The following P4HA1 variants were observed in gnomAD, a reference collection of about 807,000 sequenced individuals.
P4HA1 encodes the protein prolyl 4-hydroxylase subunit alpha 1, also known as prolyl 4-hydroxylase subunit alpha-1.
A neutral mutation model predicts 72.8 loss-of-function variants in P4HA1; 24 were observed. The observed-to-expected ratio is 0.33, with a 90% CI of 0.24 to 0.46. The LOEUF is 0.46. P4HA1 is among the 20% of genes least tolerant of loss of function. The probability of loss-of-function intolerance (pLI) is 1.00; values close to 1 mark genes in which losing one functional copy is unlikely to be tolerated. For missense variants in P4HA1, 446 were observed against 640.6 expected, an observed-to-expected ratio of 0.70 and a Z score of 3.28; for synonymous variants, 201 against 218.8, an observed-to-expected ratio of 0.92 and a Z score of 0.72.
chr10:73,011,052 A>T lies in P4HA1; in HGVS notation c.1369-15T>A. The T allele has an allele frequency of 1.2e-6, 2 of 1,604,114 alleles. No individual in the cohort carries two copies. The highest frequency in any genetic ancestry group is 1.7e-6 in the Non-Finnish European group (2 of 1,172,358). On this transcript the variant is annotated splice_polypyrimidine_tract_variant and intron_variant, in intron 12 of 14. Transcript: ENST00000394890. The stretch of plus-strand genomic sequence containing the variant: ...ACATCACTCATCTATAAGAAACAAG[A>T]GGGTGTTATCAAAAGTGCTGGTAGA...
chr10:73,060,497 C>T (rs949372982), intron 5 of P4HA1, among the ~76,000 whole-genome samples: 3 of 152,096 alleles, frequency 2.0e-5, no homozygotes, highest in African/African-American at 7.2e-5. Context: ...CACTTGAGCC[C>T]AGGAGTTCCA....
rs186249180 is a variant in P4HA1, at chr10:73,030,427, T to C, written c.1149-57A>G. 2.1e-4 allele frequency: 182 copies of C among 846,630 alleles called. 4 individuals carry two copies. The South Asian group carries it at 3.5e-3, about 16-fold the overall frequency. 52.4% of individuals were successfully genotyped at this position (846,630 alleles called of 1,614,324 possible). ...TAATGTTTCATTACATGGAGACTAA[T>C]AGCTGTTATTTTTAAAGCCATAATA... On this transcript the variant is annotated intron_variant, in intron 9 of 14. Coordinates refer to ENST00000394890, the MANE Select transcript of P4HA1 (RefSeq NM_001017962.3).
chr10:73,045,840 C>A (rs1840844472), intron 8 of P4HA1, among the ~76,000 whole-genome samples: 4 of 149,878 alleles, frequency 2.7e-5, no homozygotes, highest in African/African-American at 9.9e-5. Context: ...TAATGTTAGA[C>A]CAGTCTTTTG....
At chr10:73,033,305 T>G (rs1840483935) in intron 9 of P4HA1, among the ~76,000 whole-genome samples, 1 of 152,198 alleles carries the variant, frequency 6.6e-6, no homozygotes, top group African/African-American at 2.4e-5. Flanking sequence ...ACAGAGAACG[T>G]GTCTTCTGAT....
chr10:73,052,021 T>TAG (rs1841032014), intron 6 of P4HA1, among the ~76,000 whole-genome samples: 1 of 152,108 alleles, frequency 6.6e-6, no homozygotes, highest in Non-Finnish European at 1.5e-5. Flanking sequence ...AGCCTACTTC[T>TAG]AAGGGCTGAG....
At chr10:73,054,143 T>G (rs1841081220) in intron 5 of P4HA1, among the ~76,000 whole-genome samples, 1 of 152,148 alleles carries the variant, frequency 6.6e-6, no homozygotes, top group Non-Finnish European at 1.5e-5. Context: ...TGATCTCAGG[T>G]GATCCACCCG....
Position 73,008,155 on chromosome 10 carries a change from A to T in P4HA1, c.*67T>A, listed in dbSNP as rs1014675382. 1.1e-6 allele frequency: 1 copy of T among 937,624 alleles called. No individual in the cohort carries two copies. Among genetic ancestry groups the T allele is most frequent in the African/African-American group, 1.6e-5 (1 of 61,024 alleles). The allele number at this position is 937,624 out of a possible 1,614,324, so 58.1% of individuals were successfully genotyped here. On this transcript the variant is annotated 3_prime_UTR_variant, in exon 15 of 15. Coordinates refer to ENST00000394890, the MANE Select transcript of P4HA1 (RefSeq NM_001017962.3). The stretch of plus-strand genomic sequence containing the variant: ...GTCAATTGTAAACTCCTGAAAGTTA[A>T]GACTAGGAAATGTGTATATCAGACA...
At chr10:73,008,663 A>G (rs559199810) in intron 14 of P4HA1, among the ~76,000 whole-genome samples, 2 of 152,328 alleles carry the variant, frequency 1.3e-5, no homozygotes, top group Admixed American at 6.5e-5. Flanking sequence ...TTGTTTTCAA[A>G]GTACAGCCTC....
intron 9 of P4HA1, among the ~76,000 whole-genome samples, chr10:73,037,544 TATATATATATATATATATATATATA>T (rs1564624809): frequency 4.1e-5 from 1 of 24,582 alleles, no homozygotes; most frequent in Non-Finnish European, 7.2e-5. Flanking sequence ...TATATATATA[TATATATATATATATATATATATATA>T]TATTTTTTTT....
intron 1 of P4HA1, among the ~76,000 whole-genome samples, chr10:73,079,443 C>A (rs1484978375): frequency 6.6e-6 from 1 of 151,164 alleles, no homozygotes; most frequent in East Asian, 2.0e-4. Flanking sequence ...ACTCTATACC[C>A]GTAAAAACAA....
At chr10:73,083,746 C>G (rs1841869923) in intron 1 of P4HA1, among the ~76,000 whole-genome samples, 1 of 152,192 alleles carries the variant, frequency 6.6e-6, no homozygotes, top group Middle Eastern at 3.4e-3. Context: ...GTTCTGAATG[C>G]CTGAACTACA....
At chr10:73,040,267 C>CA (rs1840701028) in intron 9 of P4HA1, among the ~76,000 whole-genome samples, 1 of 151,476 alleles carries the variant, frequency 6.6e-6, no homozygotes, top group Non-Finnish European at 1.5e-5. Flanking sequence ...TTAAGAGCTA[C>CA]AAAGTTAGAA....
chr10:73,051,342 T>A, intron 6 of P4HA1, 93 bp from the exon 7 acceptor site: 1 of 690,016 alleles, frequency 1.4e-6, no homozygotes, highest in Non-Finnish European at 2.4e-6. Context: ...ACATTATAAT[T>A]TATCTTCCAA....
chr10:73,015,428 G>C (rs1458222163), intron 11 of P4HA1, among the ~76,000 whole-genome samples: 1 of 152,130 alleles, frequency 6.6e-6, no homozygotes, highest in East Asian at 1.9e-4. Flanking sequence ...AAAATGCTCT[G>C]AAGTTCAAAA....
At chr10:73,056,254 G>A (rs183111340) in intron 5 of P4HA1, among the ~76,000 whole-genome samples, 1 of 152,228 alleles carries the variant, frequency 6.6e-6, no homozygotes, top group Admixed American at 6.5e-5. Flanking sequence ...TCAATTTAAT[G>A]GAATAGCATT....
intron 7 of P4HA1, among the ~76,000 whole-genome samples, chr10:73,047,569 AAG>A: frequency 6.9e-6 from 1 of 145,298 alleles, no homozygotes; most frequent in African/African-American, 2.8e-5. Context: ...AAAAAAAAAA[AAG>A]GAATTTTTTT....
intron 1 of P4HA1, among the ~76,000 whole-genome samples, chr10:73,076,360 G>GTTT (rs553512800): frequency 0.04 from 5,478 of 135,960 alleles, 350 homozygotes; most frequent in African/African-American, 0.14. Context: ...CACTGTGCCT[G>GTTT]TTTTTTTTTT....
At chr10:73,026,971 G>C (rs1840287124) in intron 10 of P4HA1, among the ~76,000 whole-genome samples, 1 of 152,208 alleles carries the variant, frequency 6.6e-6, no homozygotes, top group Non-Finnish European at 1.5e-5. Context: ...AGGATGTGGA[G>C]AAATAGGAAT....
At chr10:73,035,529 A>C (rs1404907558) in intron 9 of P4HA1, among the ~76,000 whole-genome samples, 1 of 152,200 alleles carries the variant, frequency 6.6e-6, no homozygotes. Flanking sequence ...AAAAAACAAC[A>C]GAACACCACC....
Sources: allele counts gnomAD v4.1 joint callset (sites outside exome capture counted in the v4.1 genomes callset), GRCh38; gene constraint gnomAD v4.1.1; transcripts MANE v1.5; gene names NCBI Gene and HGNC (gene_info 2026-07-23, HGNC 2026-07-21).